GCNT2: variants seen among roughly 807,000 people sequenced by gnomAD.
The protein encoded by GCNT2 is glucosaminyl (N-acetyl) transferase 2 (I blood group).
In GCNT2, 34 loss-of-function variants were observed where a neutral mutation model predicts 34.2. That is an observed-to-expected ratio of 1.00 (90% CI 0.76 to 1.32). GCNT2 has a LOEUF of 1.32. Ranked by LOEUF, GCNT2 falls within the 40% of genes most tolerant of loss-of-function variation. The pLI is 0.00. For missense variants in GCNT2, 584 were observed against 489.4 expected, an observed-to-expected ratio of 1.19 and a Z score of -1.82; for synonymous variants, 212 against 188.0, an observed-to-expected ratio of 1.13 and a Z score of -1.04.
intron 3 of GCNT2, among the ~76,000 whole-genome samples, chr6:10,549,514 T>C (rs1253424430): frequency 6.6e-6 from 1 of 151,638 alleles, no homozygotes; most frequent in African/African-American, 2.4e-5. Context: ...TCTTCACGAA[T>C]TGAATTGGTA....
Position 10,621,393 on chromosome 6 carries a change from T to C in GCNT2, c.968T>C (p.Leu323Pro). The C allele has an allele frequency of 6.2e-7, 1 of 1,613,766 alleles. No homozygotes were observed. Among genetic ancestry groups the C allele is most frequent in the Non-Finnish European group, 8.5e-7 (1 of 1,179,670 alleles). The change falls in exon 4 of 5, where the codon CTC becomes CCC. Residue 323 changes from leucine (L) to proline (P), a missense_variant. Transcript: ENST00000495262. The part of the protein sequence containing the change: ...SMPNASWTGN[L>P]RAIKWSDMED... ...CCAAATGCATCCTGGACTGGAAACC[T>C]CAGAGCTATAAAGTGGAGTGACATG...
At chr6:10,619,179 G>A (rs1406469849) in intron 3 of GCNT2, 1 of 151,878 alleles carries the variant, frequency 6.6e-6, no homozygotes, top group African/African-American at 2.4e-5. Context: ...ATTGTCTTAA[G>A]TAGCTTTTTT....
At chr6:10,597,153 CT>C (rs33945698) in intron 3 of GCNT2, among the ~76,000 whole-genome samples, 8,086 of 112,498 alleles carry the variant, frequency 0.072, 475 homozygotes, top group African/African-American at 0.25. Flanking sequence ...TAGGAATTGC[CT>C]TTTTTTTTTT....
At chr6:10,607,350 G>A (rs1030994720) in intron 3 of GCNT2, among the ~76,000 whole-genome samples, 5 of 152,226 alleles carry the variant, frequency 3.3e-5, no homozygotes, top group African/African-American at 1.2e-4. Flanking sequence ...ATCTCACATG[G>A]CTGGAGCAGG....
At chr6:10,556,464 C>G (rs1216381369) in intron 3 of GCNT2, 4 of 1,614,060 alleles carry the variant, frequency 2.5e-6, no homozygotes, top group South Asian at 2.2e-5. Flanking sequence ...ATTTCTGTCT[C>G]TAGTGTAATT....
chr6:10,616,056 C>T (rs551527276), intron 3 of GCNT2, among the ~76,000 whole-genome samples: 5 of 152,322 alleles, frequency 3.3e-5, no homozygotes, highest in Admixed American at 1.3e-4. Flanking sequence ...GTGAGTGTTA[C>T]AGTTCTTAAA....
chr6:10,569,274 C>CACACACACACACACACA lies in GCNT2; in HGVS notation c.925+39438_925+39439insACACACACACACACACA, dbSNP rs1491123758. On this transcript the variant is annotated intron_variant, in intron 3 of 4. Transcript: ENST00000495262. The stretch of plus-strand genomic sequence containing the variant: ...ACACACACACACACACACACACACA[C>CACACACACACACACACA]CCCCTAGGTAATTTTGCCAAATCCT... Among the ~76,000 whole-genome samples, 81 of 137,106 alleles carry CACACACACACACACACA rather than the reference C, an allele frequency of 5.9e-4. 1 individual carries two copies. The highest frequency in any genetic ancestry group is 9.5e-4 in the South Asian group (4 of 4,226). The allele number at this position is 137,106 out of a possible 152,430, so 89.9% of individuals were successfully genotyped here.
chr6:10,585,915 C>T (rs2127412583), intron 3 of GCNT2: 1 of 1,595,610 alleles, frequency 6.3e-7, no homozygotes, highest in Non-Finnish European at 8.5e-7. Context: ...GCAAGAGAAG[C>T]AAATTCAACC....
At chr6:10,586,255 C>T (rs749167856) in intron 3 of GCNT2, 6 of 1,614,162 alleles carry the variant, frequency 3.7e-6, no homozygotes, top group South Asian at 1.1e-5. Flanking sequence ...AGTCCCCTGT[C>T]GGAAGAAGAG....
At chr6:10,530,044 A>G in intron 3 of GCNT2, 1 of 546,488 alleles carries the variant, frequency 1.8e-6, no homozygotes, top group Non-Finnish European at 3.3e-6. Context: ...ACAGGACAAA[A>G]GACCGAAGGA....
chr6:10,609,657 G>C (rs760367733), intron 3 of GCNT2, among the ~76,000 whole-genome samples: 1 of 152,202 alleles, frequency 6.6e-6, no homozygotes, highest in Non-Finnish European at 1.5e-5. Context: ...GTCTGGCCAG[G>C]GTTATAATTC....
At chr6:10,559,687 G>A (rs989908910) in intron 3 of GCNT2, among the ~76,000 whole-genome samples, 1 of 152,250 alleles carries the variant, frequency 6.6e-6, no homozygotes, top group African/African-American at 2.4e-5. Context: ...AGGAATTAGA[G>A]GCGAGAGCTC....
At chr6:10,583,318 T>A (rs1334810512) in intron 3 of GCNT2, among the ~76,000 whole-genome samples, 2 of 152,042 alleles carry the variant, frequency 1.3e-5, no homozygotes, top group Non-Finnish European at 2.9e-5. Context: ...GGCTGCATTG[T>A]GAATCAAATG....
chr6:10,600,909 G>A (rs1765063500), intron 3 of GCNT2, among the ~76,000 whole-genome samples: 1 of 152,034 alleles, frequency 6.6e-6, no homozygotes, highest in Non-Finnish European at 1.5e-5. Context: ...TCCCACCTCA[G>A]CCTCTTGAGT....
At chr6:10,608,323 T>C (rs1317678531) in intron 3 of GCNT2, among the ~76,000 whole-genome samples, 3 of 151,980 alleles carry the variant, frequency 2.0e-5, no homozygotes, top group Non-Finnish European at 4.4e-5. Context: ...GTGATCCACC[T>C]TGCCTCAGCC....
intron 3 of GCNT2, among the ~76,000 whole-genome samples, chr6:10,535,932 A>T (rs2113550393): frequency 6.6e-6 from 1 of 152,306 alleles, no homozygotes; most frequent in South Asian, 2.1e-4. Flanking sequence ...CATGGCAGGC[A>T]TCTTCCCCTG....
intron 3 of GCNT2, among the ~76,000 whole-genome samples, chr6:10,607,128 A>G (rs1052456885): frequency 4.6e-5 from 7 of 151,938 alleles, no homozygotes; most frequent in Non-Finnish European, 8.8e-5. Flanking sequence ...TTGTATTTTT[A>G]GTAGAGACGG....
chr6:10,580,840 G>C (rs548283), intron 3 of GCNT2, among the ~76,000 whole-genome samples: 8,220 of 152,182 alleles, frequency 0.054, 671 homozygotes, highest in African/African-American at 0.18. Context: ...AGAGGGCCCC[G>C]CAGGCAGCCC....
intron 3 of GCNT2, among the ~76,000 whole-genome samples, chr6:10,597,777 A>G (rs1213717966): frequency 2.0e-5 from 3 of 152,200 alleles, no homozygotes; most frequent in Non-Finnish European, 4.4e-5. Context: ...GTGAGTGTTG[A>G]TGACCCCAGA....
Sources: allele counts gnomAD v4.1 joint callset (sites outside exome capture counted in the v4.1 genomes callset), GRCh38; gene constraint gnomAD v4.1.1; transcripts MANE v1.5; gene names NCBI Gene and HGNC (gene_info 2026-07-23, HGNC 2026-07-21).